The following TMTC2 variants were observed in gnomAD, a reference collection of about 807,000 sequenced individuals.
TMTC2 encodes the protein transmembrane O-mannosyltransferase targeting cadherins 2.
TMTC2 carries 43 observed loss-of-function variants against 82.4 expected under a neutral mutation model. The ratio of observed to expected loss-of-function variants is 0.52; its 90% confidence interval spans 0.41 to 0.67. TMTC2 has a LOEUF of 0.67. Ranked by LOEUF, TMTC2 falls within the 30% of genes least tolerant of loss-of-function variation. The pLI is 0.00. For synonymous variants in TMTC2, 408 were observed against 381.9 expected (o/e 1.07, Z -0.80); for missense variants, 919 against 1,012.4 (o/e 0.91, Z 1.25).
At chr12:83,096,198 T>A (rs2137526881) in intron 11 of TMTC2, among the ~76,000 whole-genome samples, 1 of 152,358 alleles carries the variant, frequency 6.6e-6, no homozygotes, top group African/African-American at 2.4e-5. Context: ...GCCATAATCA[T>A]ACACCAAAAT....
At position 82,966,923 on chromosome 12, in the gene TMTC2, C is replaced by T; in HGVS notation, c.1874C>T (p.Ala625Val). Reference sequence around the variant, plus strand: ...TTTTTTTGTTTTATAAATTAGGAAGCCCTTAGTGTATACAAGGAAGCAATT... The same window carrying T: ...TTTTTTTGTTTTATAAATTAGGAAGTCCTTAGTGTATACAAGGAAGCAATT... ...LYHEQGHYEE[A>V]LSVYKEAIQK... Residue 625 changes from alanine to valine, a missense_variant, in exon 7 of 12, where the codon GCC becomes GTC. Transcript: ENST00000321196. The T allele has an allele frequency of 6.2e-7, 1 of 1,609,952 alleles. No individual in the cohort carries two copies. The highest frequency in any genetic ancestry group is 8.5e-7 in the Non-Finnish European group (1 of 1,177,326).
chr12:82,965,533 A>G, intron 5 of TMTC2, 27 bp from the exon 6 acceptor site: 1 of 1,611,018 alleles, frequency 6.2e-7, no homozygotes, highest in South Asian at 1.1e-5. Flanking sequence ...ATCTTCTCAC[A>G]CTTTTGTTTC....
chr12:83,061,666 G>C (rs1470776124), intron 10 of TMTC2, 102 bp from the exon 11 acceptor site: 8 of 999,608 alleles, frequency 8.0e-6, no homozygotes, highest in Non-Finnish European at 1.1e-5. Flanking sequence ...TGTTTGGTGT[G>C]ACCAGAATTT....
chr12:82,699,709 G>A (rs185935273), intron 1 of TMTC2, among the ~76,000 whole-genome samples: 3 of 152,206 alleles, frequency 2.0e-5, no homozygotes, highest in South Asian at 4.2e-4. Context: ...TACATTTTGG[G>A]TAACAATTAT....
At chr12:82,990,458 C>A (rs766486003) in intron 8 of TMTC2, among the ~76,000 whole-genome samples, 13 of 151,970 alleles carry the variant, frequency 8.6e-5, no homozygotes, top group Non-Finnish European at 1.3e-4. Context: ...TAGATCAAAT[C>A]CTCTTTTATT....
chr12:83,048,046 A>T (rs1284847887), intron 9 of TMTC2, among the ~76,000 whole-genome samples: 1 of 152,230 alleles, frequency 6.6e-6, no homozygotes, highest in Non-Finnish European at 1.5e-5. Context: ...GGAAAAGAAC[A>T]ATTAATAATT....
chr12:82,966,198 T>G (rs1229240866), intron 6 of TMTC2, among the ~76,000 whole-genome samples: 1 of 152,084 alleles, frequency 6.6e-6, no homozygotes, highest in Non-Finnish European at 1.5e-5. Flanking sequence ...GCCACCCATT[T>G]CTCTTAATTC....
chr12:82,797,614 A>G lies in TMTC2; in HGVS notation c.84-59396A>G, dbSNP rs186703784. ...CAAAAGCGTATAAAAAAATCTCAGT[A>G]TCTCTATTTTCTGAATTCTGAATTA... On this transcript the variant is annotated intron_variant, in intron 1 of 11. Transcript: ENST00000321196. 4.0e-4 allele frequency among the ~76,000 whole-genome samples: 61 copies of G among 152,266 alleles called. 1 individual carries two copies. Among genetic ancestry groups the G allele is most frequent in the Admixed American group, 1.3e-3 (20 of 15,280 alleles).
intron 1 of TMTC2, chr12:82,690,451 T>TTAATGATCAC: frequency 1.1e-6 from 1 of 948,086 alleles, no homozygotes; most frequent in Non-Finnish European, 1.3e-6. Flanking sequence ...ATCATTTCTT[T>TTAATGATCAC]TAAATATAGT....
At chr12:82,897,963 GTATA>G (rs3993367) in intron 3 of TMTC2, among the ~76,000 whole-genome samples, 1 of 150,796 alleles carries the variant, frequency 6.6e-6, no homozygotes, top group Non-Finnish European at 1.5e-5. Flanking sequence ...GCTAATAGGT[GTATA>G]TATATATATA....
At chr12:83,026,333 T>C (rs1048626809) in intron 8 of TMTC2, among the ~76,000 whole-genome samples, 3 of 152,140 alleles carry the variant, frequency 2.0e-5, no homozygotes, top group Non-Finnish European at 2.9e-5. Flanking sequence ...TACCAGGAAC[T>C]GGGGATGAAG....
intron 1 of TMTC2, among the ~76,000 whole-genome samples, chr12:82,775,488 T>G (rs1354064296): frequency 6.6e-6 from 1 of 151,816 alleles, no homozygotes; most frequent in Non-Finnish European, 1.5e-5. Context: ...GAAACAAGAT[T>G]TCCATACTCA....
chr12:83,076,110 C>T (rs1883276882), intron 11 of TMTC2, among the ~76,000 whole-genome samples: 1 of 152,160 alleles, frequency 6.6e-6, no homozygotes, highest in Non-Finnish European at 1.5e-5. Flanking sequence ...GTCGCACTGA[C>T]CTAAACTGAA....
chr12:82,836,221 G>A (rs987615371), intron 1 of TMTC2, among the ~76,000 whole-genome samples: 1 of 152,208 alleles, frequency 6.6e-6, no homozygotes, highest in African/African-American at 2.4e-5. Flanking sequence ...GCCTAGCTAA[G>A]TGAGACACTT....
chr12:82,967,841 A>C (rs55826920), intron 7 of TMTC2, among the ~76,000 whole-genome samples: 20,239 of 152,086 alleles, frequency 0.13, 1,521 homozygotes, highest in Non-Finnish European at 0.18. Context: ...TAAGTTGTTT[A>C]ATATTTCTAG....
At chr12:82,720,301 T>C (rs887408794) in intron 1 of TMTC2, among the ~76,000 whole-genome samples, 1 of 152,204 alleles carries the variant, frequency 6.6e-6, no homozygotes, top group Non-Finnish European at 1.5e-5. Flanking sequence ...AGAATATTTT[T>C]GTAAATGGAA....
chr12:83,094,257 A>G (rs1883947322), intron 11 of TMTC2, among the ~76,000 whole-genome samples: 1 of 152,238 alleles, frequency 6.6e-6, no homozygotes, highest in African/African-American at 2.4e-5. Context: ...CTAGGAGAGG[A>G]GAATTGCCTT....
At chr12:82,844,710 G>A (rs1477917204) in intron 1 of TMTC2, among the ~76,000 whole-genome samples, 2 of 151,888 alleles carry the variant, frequency 1.3e-5, no homozygotes, top group Middle Eastern at 3.4e-3. Context: ...ACTGAGGCAG[G>A]AGAATGGCGG....
intron 4 of TMTC2, among the ~76,000 whole-genome samples, chr12:82,955,856 A>G (rs1877584490): frequency 6.6e-6 from 1 of 152,170 alleles, no homozygotes; most frequent in Non-Finnish European, 1.5e-5. Context: ...AAATGCTGTA[A>G]TAATACCCAC....
Sources: allele counts gnomAD v4.1 joint callset (sites outside exome capture counted in the v4.1 genomes callset), GRCh38; gene constraint gnomAD v4.1.1; transcripts MANE v1.5; gene names NCBI Gene and HGNC (gene_info 2026-07-23, HGNC 2026-07-21).